ATP9B: variants seen among roughly 807,000 people sequenced by gnomAD.
The protein encoded by ATP9B is probable phospholipid-transporting ATPase IIB.
Under a neutral mutation model 146.1 loss-of-function variants are expected in ATP9B, and 110 were observed. That is an observed-to-expected ratio of 0.75 (90% CI 0.65 to 0.88). The LOEUF is 0.88. Ranked by LOEUF, ATP9B falls within the 40% of genes least tolerant of loss-of-function variation. The pLI is 0.00. For synonymous variants in ATP9B, 604 were observed against 569.7 expected (o/e 1.06, Z -0.86); for missense variants, 1,499 against 1,496.4 (o/e 1.00, Z -0.03).
intron 5 of ATP9B, among the ~76,000 whole-genome samples, chr18:79,127,716 A>C (rs948918059): frequency 1.3e-5 from 2 of 152,158 alleles, no homozygotes; most frequent in Admixed American, 1.3e-4. Flanking sequence ...TTTATCTTGG[A>C]TACATACCTA....
intron 12 of ATP9B, among the ~76,000 whole-genome samples, chr18:79,270,262 A>G (rs1264736758): frequency 1.3e-5 from 2 of 152,026 alleles, no homozygotes; most frequent in East Asian, 3.9e-4. Context: ...GCGTTCATTT[A>G]TATTTATATG....
At chr18:79,166,559 G>C (rs1391029451) in intron 7 of ATP9B, among the ~76,000 whole-genome samples, 1 of 152,162 alleles carries the variant, frequency 6.6e-6, no homozygotes, top group Non-Finnish European at 1.5e-5. Context: ...GGTCTCAGGA[G>C]TCAATGGAGA....
At chr18:79,366,193 G>A (rs78321723) in intron 26 of ATP9B, among the ~76,000 whole-genome samples, 5,073 of 152,314 alleles carry the variant, frequency 0.033, 136 homozygotes, top group Non-Finnish European at 0.043. Flanking sequence ...GAGGGTGACC[G>A]GAGAGGCATC....
rs181816714 is a variant in ATP9B, at chr18:79,208,759, A to G, written c.1030+1747A>G. Among the ~76,000 whole-genome samples the G allele has an allele frequency of 2.4e-3, 363 of 151,218 alleles. 2 individuals are homozygous for G. Among genetic ancestry groups the G allele is most frequent in the South Asian group, 6.4e-3 (31 of 4,812 alleles). ...AAATGTTATGTGTGTGTGTGTATAT[A>G]TATATAAACATACGTATATAAATTT... On this transcript the variant is annotated intron_variant, in intron 10 of 29. Coordinates refer to ENST00000426216, the MANE Select transcript of ATP9B (RefSeq NM_198531.5).
intron 7 of ATP9B, among the ~76,000 whole-genome samples, chr18:79,157,923 G>T (rs2094820033): frequency 6.6e-6 from 1 of 152,052 alleles, no homozygotes; most frequent in Non-Finnish European, 1.5e-5. Context: ...CTAGCTTAAA[G>T]GTTTGTCAAT....
intron 11 of ATP9B, among the ~76,000 whole-genome samples, chr18:79,242,452 C>CGG (rs2095898898): frequency 2.6e-5 from 4 of 152,202 alleles, no homozygotes; most frequent in African/African-American, 9.6e-5. Context: ...GCTGTGTTTC[C>CGG]CTACATACTG....
intron 15 of ATP9B, among the ~76,000 whole-genome samples, chr18:79,327,882 T>G (rs62096814): frequency 9.7e-5 from 3 of 30,898 alleles, no homozygotes; most frequent in Non-Finnish European, 1.7e-4. Context: ...CCATGGATAG[T>G]GTGCTCTCCG....
intron 27 of ATP9B, 108 bp from the exon 28 acceptor site, chr18:79,373,790 A>G (rs924831566): frequency 6.1e-6 from 7 of 1,154,112 alleles, no homozygotes; most frequent in East Asian, 2.4e-5. Context: ...CGCCTGGCCT[A>G]TCCCCTATTT....
intron 17 of ATP9B, among the ~76,000 whole-genome samples, chr18:79,334,562 C>A (rs2096810365): frequency 6.6e-6 from 1 of 152,118 alleles, no homozygotes; most frequent in South Asian, 2.1e-4. Flanking sequence ...TGAGCCCCGT[C>A]CTGGTCCACA....
chr18:79,260,787 G>A (rs55794202), intron 12 of ATP9B, among the ~76,000 whole-genome samples: 2 of 152,238 alleles, frequency 1.3e-5, no homozygotes, highest in South Asian at 4.1e-4. Context: ...AGAGGCCATG[G>A]AGCTGCCAGC....
At chr18:79,193,805 A>G (rs912698703) in intron 9 of ATP9B, among the ~76,000 whole-genome samples, 3 of 152,206 alleles carry the variant, frequency 2.0e-5, no homozygotes, top group African/African-American at 7.2e-5. Flanking sequence ...TAAATGCTTT[A>G]TAGTAAGGGA....
At chr18:79,080,941 A>G (rs2073187252) in intron 1 of ATP9B, among the ~76,000 whole-genome samples, 1 of 152,202 alleles carries the variant, frequency 6.6e-6, no homozygotes, top group Non-Finnish European at 1.5e-5. Context: ...GCATATGTTG[A>G]ACTAGCCTTG....
intron 11 of ATP9B, among the ~76,000 whole-genome samples, chr18:79,218,395 C>T (rs2095648039): frequency 6.6e-6 from 1 of 151,520 alleles, no homozygotes; most frequent in African/African-American, 2.4e-5. Flanking sequence ...ATGCCTGGCA[C>T]AGGCTGGCAG....
chr18:79,342,447 T>G (rs1296716410), intron 20 of ATP9B, 81 bp downstream of exon 20: 1 of 920,174 alleles, frequency 1.1e-6, no homozygotes, highest in African/African-American at 1.7e-5. Flanking sequence ...TCAGAATATA[T>G]ATTTATTAAT....
Position 79,346,683 on chromosome 18 carries a change from G to A in ATP9B, c.2682+844G>A, listed in dbSNP as rs139881000. 6.6e-4 allele frequency among the ~76,000 whole-genome samples: 95 copies of A among 144,964 alleles called. 2 individuals are homozygous for A. The highest frequency in any genetic ancestry group is 2.3e-3 in the African/African-American group (91 of 39,194). On this transcript the variant is annotated intron_variant, in intron 23 of 29. Coordinates refer to ENST00000426216, the MANE Select transcript of ATP9B (RefSeq NM_198531.5). Reference sequence around the variant, plus strand: ...TTCAGTGCACAGTCAGCACACACTCGGCACACACTCGGTCAGCGCACGTCA... The same window carrying A: ...TTCAGTGCACAGTCAGCACACACTCAGCACACACTCGGTCAGCGCACGTCA...
intron 13 of ATP9B, among the ~76,000 whole-genome samples, chr18:79,297,553 T>A (rs1049863592): frequency 7.9e-5 from 12 of 152,258 alleles, no homozygotes; most frequent in Admixed American, 6.5e-4. Context: ...ACAAATGGGA[T>A]GTGGAATTCC....
chr18:79,222,014 C>T (rs1568435994), intron 11 of ATP9B, among the ~76,000 whole-genome samples: 1 of 151,748 alleles, frequency 6.6e-6, no homozygotes. Context: ...ATCCCTAGAC[C>T]CTGAGTTCAA....
chr18:79,247,469 A>T (rs1031895041), intron 11 of ATP9B, among the ~76,000 whole-genome samples: 1 of 152,224 alleles, frequency 6.6e-6, no homozygotes, highest in East Asian at 1.9e-4. Flanking sequence ...AGATAACCTC[A>T]TTCTGCACTC....
At chr18:79,151,428 T>C (rs2094687103) in intron 6 of ATP9B, among the ~76,000 whole-genome samples, 1 of 152,190 alleles carries the variant, frequency 6.6e-6, no homozygotes, top group East Asian at 1.9e-4. Context: ...GTGGTTTTTA[T>C]CTGTTTTCCT....
Sources: allele counts gnomAD v4.1 joint callset (sites outside exome capture counted in the v4.1 genomes callset), GRCh38; gene constraint gnomAD v4.1.1; transcripts MANE v1.5; gene names NCBI Gene and HGNC (gene_info 2026-07-23, HGNC 2026-07-21).